Variants in ZNF521 observed in about 807,000 individuals in gnomAD.
ZNF521 encodes the protein zinc finger protein 521, also known as LYST-interacting protein 3.
ZNF521 carries 14 observed loss-of-function variants against 105.5 expected under a neutral mutation model. The ratio of observed to expected loss-of-function variants is 0.13; its 90% CI spans 0.09 to 0.21. The LOEUF is 0.21. Ranked by LOEUF, ZNF521 falls within the 10% of genes least tolerant of loss-of-function variation. ZNF521 has a pLI of 1.00. For synonymous variants in ZNF521, 635 were observed against 606.0 expected (o/e 1.05, Z -0.70); for missense variants, 1,233 against 1,629.7 (o/e 0.76, Z 4.19).
chr18:25,329,429 G>A (rs1252908838), intron 2 of ZNF521, among the ~76,000 whole-genome samples: 5 of 152,200 alleles, frequency 3.3e-5, no homozygotes, highest in African/African-American at 1.2e-4. Context: ...CTAAATCGGG[G>A]CAGGGAAATT....
chr18:25,187,844 AG>A, intron 5 of ZNF521, among the ~76,000 whole-genome samples: 1 of 152,308 alleles, frequency 6.6e-6, no homozygotes, highest in Middle Eastern at 3.4e-3. Context: ...GACTAGTAAC[AG>A]GGGGATATGT....
chr18:25,153,359 T>C (rs2144495439), intron 5 of ZNF521, among the ~76,000 whole-genome samples: 1 of 152,332 alleles, frequency 6.6e-6, no homozygotes, highest in South Asian at 2.1e-4. Context: ...TATGAAGTCA[T>C]GGGGAAGCCT....
chr18:25,339,813 A>C (rs1914097743), intron 2 of ZNF521, among the ~76,000 whole-genome samples: 1 of 152,214 alleles, frequency 6.6e-6, no homozygotes, highest in African/African-American at 2.4e-5. Flanking sequence ...GAGATGGGTC[A>C]CTTTAAGTTA....
chr18:25,181,989 T>C (rs1369215280), intron 5 of ZNF521, among the ~76,000 whole-genome samples: 1 of 152,236 alleles, frequency 6.6e-6, no homozygotes, highest in African/African-American at 2.4e-5. Flanking sequence ...GGAATACATA[T>C]GCTGACCTTC....
At chr18:25,102,923 G>A (rs762413870) in intron 5 of ZNF521, among the ~76,000 whole-genome samples, 2 of 152,058 alleles carry the variant, frequency 1.3e-5, no homozygotes, top group Non-Finnish European at 2.9e-5. Context: ...ACCTGGTGAC[G>A]CCTTTGCTCC....
At chr18:25,081,727 T>C in intron 7 of ZNF521, among the ~76,000 whole-genome samples, 1 of 152,180 alleles carries the variant, frequency 6.6e-6, no homozygotes. Flanking sequence ...CTAGATGCAA[T>C]TTTATTAAAA....
chr18:25,305,208 T>A (rs1911905346), intron 3 of ZNF521, among the ~76,000 whole-genome samples: 1 of 152,182 alleles, frequency 6.6e-6, no homozygotes, highest in African/African-American at 2.4e-5. Context: ...CTAGACCAAT[T>A]CCATGATGCT....
At position 25,226,613 on chromosome 18, in the gene ZNF521, C is replaced by T. The variant is rs981415268; in HGVS notation, c.1305G>A (p.Gln435=). ...CCAAGCAATACTGACAAATATGGGCCTGTTCTGGCTTATCTAAGTGCATAG... is the reference window on the plus strand; with the variant it reads ...CCAAGCAATACTGACAAATATGGGCTTGTTCTGGCTTATCTAAGTGCATAG... ...LKTMHLDKPE[Q]AHICQYCLEV... Residue 435 remains glutamine (Q), a synonymous_variant, in exon 4 of 8, where the codon CAG becomes CAA. Coordinates refer to ENST00000361524, the MANE Select transcript of ZNF521 (RefSeq NM_015461.3). This position sits in a 1 kb window ranked among gnomAD's most constrained non-coding sequence, Gnocchi z 4.1. 1.9e-6 allele frequency: 3 copies of T among 1,614,046 alleles called. No individual in the cohort carries two copies. The African/African-American group carries it at 4.0e-5, about 22-fold the overall frequency.
chr18:25,115,361 T>C (rs528870861), intron 5 of ZNF521, among the ~76,000 whole-genome samples: 1 of 152,330 alleles, frequency 6.6e-6, no homozygotes, highest in East Asian at 1.9e-4. Flanking sequence ...TTTTTTCCCA[T>C]TGTCTTAGCC....
chr18:25,298,756 A>G (rs1162090815), intron 3 of ZNF521, among the ~76,000 whole-genome samples: 1 of 152,206 alleles, frequency 6.6e-6, no homozygotes, highest in Non-Finnish European at 1.5e-5. Flanking sequence ...TTTAAAAAAA[A>G]TCATTGGAGA....
intron 5 of ZNF521, among the ~76,000 whole-genome samples, chr18:25,160,032 T>C (rs892284423): frequency 2.6e-5 from 4 of 152,182 alleles, no homozygotes; most frequent in African/African-American, 4.8e-5. Flanking sequence ...TTGGAAGTTC[T>C]AGAGATGGGA....
At chr18:25,191,488 T>C (rs2035817231) in intron 5 of ZNF521, among the ~76,000 whole-genome samples, 3 of 152,170 alleles carry the variant, frequency 2.0e-5, no homozygotes, top group South Asian at 4.1e-4. Flanking sequence ...CTATGTTTCA[T>C]GAGACAGTTG....
intron 5 of ZNF521, among the ~76,000 whole-genome samples, chr18:25,165,086 C>G (rs986671019): frequency 6.6e-6 from 1 of 152,142 alleles, no homozygotes; most frequent in Non-Finnish European, 1.5e-5. Context: ...CTCTTTTAAC[C>G]CCATATGGTT....
At chr18:25,094,444 G>C (rs1043725591) in intron 5 of ZNF521, among the ~76,000 whole-genome samples, 1 of 151,988 alleles carries the variant, frequency 6.6e-6, no homozygotes, top group African/African-American at 2.4e-5. Flanking sequence ...AGGCATAAAG[G>C]TATTTATGCA....
At chr18:25,297,579 A>G (rs1041088409) in intron 3 of ZNF521, among the ~76,000 whole-genome samples, 1 of 152,190 alleles carries the variant, frequency 6.6e-6, no homozygotes, top group African/African-American at 2.4e-5. Context: ...TAAGAAACTA[A>G]CAATATCGTA....
At chr18:25,255,102 C>T (rs575271185) in intron 3 of ZNF521, among the ~76,000 whole-genome samples, 2 of 152,172 alleles carry the variant, frequency 1.3e-5, no homozygotes, top group East Asian at 1.9e-4. Flanking sequence ...AAATATAAAG[C>T]GTTGCCTTTT....
At chr18:25,089,440 C>G (rs1310314713) in intron 7 of ZNF521, 25 bp downstream of exon 7, 6 of 1,540,168 alleles carry the variant, frequency 3.9e-6, no homozygotes, top group Admixed American at 1.7e-5. Flanking sequence ...GAGTTCAATC[C>G]CAGTCCTCCC....
At chr18:25,159,860 T>C (rs1448909812) in intron 5 of ZNF521, among the ~76,000 whole-genome samples, 1 of 152,194 alleles carries the variant, frequency 6.6e-6, no homozygotes, top group Admixed American at 6.5e-5. Context: ...AAGATAATAG[T>C]ACACATGGTT....
intron 5 of ZNF521, among the ~76,000 whole-genome samples, chr18:25,165,582 C>CA (rs2035325491): frequency 6.6e-6 from 1 of 152,160 alleles, no homozygotes; most frequent in South Asian, 2.1e-4. Flanking sequence ...GCCAAGAGGC[C>CA]AAAAAACATC....
Sources: allele counts gnomAD v4.1 joint callset (sites outside exome capture counted in the v4.1 genomes callset), GRCh38; gene constraint gnomAD v4.1.1; non-coding constraint Gnocchi (gnomAD v3.1); transcripts MANE v1.5; gene names NCBI Gene and HGNC (gene_info 2026-07-23, HGNC 2026-07-21).